The following COMMD10 variants were observed in gnomAD, a reference collection of about 807,000 sequenced individuals.
COMMD10 encodes the protein COMM domain-containing protein 10.
COMMD10 carries 33 observed loss-of-function variants against 28.9 expected under a neutral mutation model. The ratio of observed to expected loss-of-function variants is 1.14; its 90% CI spans 0.87 to 1.53. COMMD10 has a LOEUF of 1.53. Among genes scored for constraint, COMMD10 ranks in the 40% most tolerant of loss-of-function variants. The pLI is 0.00. For synonymous variants in COMMD10, 110 were observed against 81.7 expected (o/e 1.35, Z -1.87); for missense variants, 310 against 233.4 (o/e 1.33, Z -2.14).
At chr5:116,086,025 G>A (rs1054507188) in intron 1 of COMMD10, among the ~76,000 whole-genome samples, 4 of 152,244 alleles carry the variant, frequency 2.6e-5, no homozygotes, top group Non-Finnish European at 5.9e-5. Flanking sequence ...ACCCTCCACA[G>A]TGTGGGAGCT....
chr5:116,189,145 A>T (rs1335848722), intron 5 of COMMD10, among the ~76,000 whole-genome samples: 3 of 152,194 alleles, frequency 2.0e-5, no homozygotes, highest in Admixed American at 2.0e-4. Flanking sequence ...CTCCTGTGAC[A>T]GCTAGAGTTT....
chr5:116,214,905 G>A (rs992323126), intron 5 of COMMD10, among the ~76,000 whole-genome samples: 15 of 152,056 alleles, frequency 9.9e-5, no homozygotes, highest in Admixed American at 4.6e-4. Flanking sequence ...GCTAAGTGAA[G>A]CAGATTTTCT....
At chr5:116,102,434 T>TA (rs1221930248) in intron 4 of COMMD10, among the ~76,000 whole-genome samples, 1 of 152,194 alleles carries the variant, frequency 6.6e-6, no homozygotes, top group Non-Finnish European at 1.5e-5. Flanking sequence ...TTTATACTAG[T>TA]ACCATGCTGT....
chr5:116,275,033 C>T (rs1474826170), intron 5 of COMMD10, among the ~76,000 whole-genome samples: 2 of 151,636 alleles, frequency 1.3e-5, no homozygotes, highest in East Asian at 3.9e-4. Flanking sequence ...TTGAAATTCC[C>T]AACCTCTATT....
At chr5:116,222,126 G>A (rs1749276037) in intron 5 of COMMD10, among the ~76,000 whole-genome samples, 1 of 152,096 alleles carries the variant, frequency 6.6e-6, no homozygotes, top group South Asian at 2.1e-4. Context: ...AAGAAGTTAG[G>A]GAAGGACACA....
intron 5 of COMMD10, among the ~76,000 whole-genome samples, chr5:116,249,438 T>C (rs766705765): frequency 5.9e-5 from 9 of 151,938 alleles, no homozygotes; most frequent in Non-Finnish European, 1.2e-4. Context: ...CACAATGATT[T>C]TGAAGTTACT....
chr5:116,123,485 G>T (rs1751513356), intron 4 of COMMD10, among the ~76,000 whole-genome samples: 2 of 152,132 alleles, frequency 1.3e-5, no homozygotes, highest in African/African-American at 2.4e-5. Context: ...ATTTTATTGA[G>T]GATTTTTGCA....
intron 5 of COMMD10, among the ~76,000 whole-genome samples, chr5:116,207,285 G>A (rs13362436): frequency 0.25 from 37,738 of 152,010 alleles, 8,414 homozygotes; most frequent in African/African-American, 0.6. Context: ...GAACTGCATT[G>A]TGTTTTATTA....
intron 4 of COMMD10, among the ~76,000 whole-genome samples, chr5:116,119,880 A>G (rs2112749396): frequency 6.6e-6 from 1 of 152,240 alleles, no homozygotes; most frequent in East Asian, 1.9e-4. Flanking sequence ...TCAGCCTCCC[A>G]AAGTGCTAGG....
At chr5:116,276,893 G>C (rs560177980) in intron 5 of COMMD10, among the ~76,000 whole-genome samples, 11 of 151,754 alleles carry the variant, frequency 7.2e-5, no homozygotes, top group African/African-American at 2.7e-4. Context: ...AGAGTTGGTG[G>C]ATAATAACTA....
At chr5:116,222,832 C>T (rs1198426559) in intron 5 of COMMD10, among the ~76,000 whole-genome samples, 1 of 152,100 alleles carries the variant, frequency 6.6e-6, no homozygotes, top group Admixed American at 6.5e-5. Context: ...GCTGGGACTA[C>T]AGTTACATGC....
At chr5:116,205,942 C>G (rs1001445575) in intron 5 of COMMD10, among the ~76,000 whole-genome samples, 2 of 151,374 alleles carry the variant, frequency 1.3e-5, no homozygotes, top group African/African-American at 4.9e-5. Flanking sequence ...TCCACTGATT[C>G]TTTTTCCTCC....
At chr5:116,193,043 T>G (rs1188939645) in intron 5 of COMMD10, among the ~76,000 whole-genome samples, 1 of 152,198 alleles carries the variant, frequency 6.6e-6, no homozygotes, top group Non-Finnish European at 1.5e-5. Context: ...CAGCCAAGAA[T>G]TTTGTATCCA....
At chr5:116,121,999 T>A (rs1475034101) in intron 4 of COMMD10, among the ~76,000 whole-genome samples, 2 of 152,168 alleles carry the variant, frequency 1.3e-5, no homozygotes, top group African/African-American at 4.8e-5. Flanking sequence ...AGATTCCATT[T>A]GACTATTTTG....
chr5:116,287,466 G>C (rs531418184), intron 5 of COMMD10, among the ~76,000 whole-genome samples: 1 of 151,616 alleles, frequency 6.6e-6, no homozygotes, highest in Admixed American at 6.6e-5. Context: ...TATGTGTATT[G>C]TTAGATCTAA....
chr5:116,283,963 C>T (rs1241718240), intron 5 of COMMD10, among the ~76,000 whole-genome samples: 5 of 151,588 alleles, frequency 3.3e-5, no homozygotes, highest in African/African-American at 4.9e-5. Flanking sequence ...GACCCTGTCT[C>T]TACAAACAAT....
chr5:116,196,418 C>T (rs1234581351), intron 5 of COMMD10, among the ~76,000 whole-genome samples: 1 of 151,704 alleles, frequency 6.6e-6, no homozygotes, highest in Non-Finnish European at 1.5e-5. Context: ...GTGATGGGTG[C>T]ACCAAAATCT....
intron 5 of COMMD10, among the ~76,000 whole-genome samples, chr5:116,195,109 C>G (rs924352163): frequency 6.6e-6 from 1 of 152,060 alleles, no homozygotes; most frequent in Non-Finnish European, 1.5e-5. Context: ...TCAACAAAAT[C>G]CAGCATTCTT....
At chr5:116,189,894 T>C (rs1265326464) in intron 5 of COMMD10, among the ~76,000 whole-genome samples, 1 of 152,098 alleles carries the variant, frequency 6.6e-6, no homozygotes, top group Non-Finnish European at 1.5e-5. Flanking sequence ...TGAAAGGAGG[T>C]AATTTGTACT....
Sources: gnomAD v4.1 joint callset for allele counts (sites outside exome capture counted in the v4.1 genomes callset) on GRCh38, gnomAD v4.1.1 for gene constraint, MANE v1.5 for transcripts, NCBI Gene and HGNC (gene_info 2026-07-23, HGNC 2026-07-21) for gene names.